Variants in POLR3GL observed in about 807,000 individuals in gnomAD.
POLR3GL encodes DNA-directed RNA polymerase III subunit RPC7-like.
In POLR3GL, 26 loss-of-function variants were observed where a neutral mutation model predicts 32.4. The ratio of observed to expected loss-of-function variants is 0.80; its 90% CI spans 0.59 to 1.11. The LOEUF (loss-of-function observed/expected upper bound fraction) is 1.11, where lower values mean the gene tolerates loss of function less well. POLR3GL is among the 50% of genes most tolerant of loss of function. The probability of loss-of-function intolerance (pLI) is 0.00; values close to 1 mark genes in which losing one functional copy is unlikely to be tolerated. For missense variants in POLR3GL, 229 were observed against 280.1 expected (o/e 0.82, Z 1.30); for synonymous variants, 95 against 98.7 (o/e 0.96, Z 0.22).
At position 145,977,202 on chromosome 1, in the gene POLR3GL, T is replaced by C. The variant is rs587643977; in HGVS notation, c.325+50T>C. 13 of 1,477,928 alleles carry C rather than the reference T, an allele frequency of 8.8e-6. No individual in the cohort carries two copies. In the East Asian group the frequency reaches 1.6e-4, roughly 18 times the overall value. The allele number at this position is 1,477,928 out of a possible 1,614,324, so 91.6% of individuals were successfully genotyped here. A position where few individuals can be genotyped will look rare whatever the true frequency, so the allele number is the denominator to read the frequency against. On this transcript the variant is annotated intron_variant, in intron 4 of 7. Transcript: ENST00000369314. ...CTGCCCTTCTTTCAAATGCATGGGATGCTTCAAGCTATTCCCACCACGCCC... is the reference window on the plus strand; with the variant it reads ...CTGCCCTTCTTTCAAATGCATGGGACGCTTCAAGCTATTCCCACCACGCCC...
chr1:145,977,838 T>C lies in POLR3GL; in HGVS notation c.443T>C (p.Ile148Thr). 1 of 1,613,888 alleles carries C rather than the reference T, an allele frequency of 6.2e-7. No homozygotes were observed. Among genetic ancestry groups the C allele is most frequent in the Middle Eastern group, 1.7e-4 (1 of 6,060 alleles). Residue 148 changes from isoleucine to threonine, a missense_variant, in exon 6 of 8, where the codon ATA (isoleucine) becomes ACA (threonine). Physicochemically the swap from Ile to Thr is moderately conservative, Grantham distance 89. Transcript: ENST00000369314. Reference protein sequence around the residue: ...PKTTEDKEETIQKLETLEKKE... With the variant: ...PKTTEDKEETTQKLETLEKKE... ...ACCACAGAAGATAAGGAGGAAACAATACAGAAACTAGAGGTGAGGAGGAAG... is the reference window on the plus strand; with the variant it reads ...ACCACAGAAGATAAGGAGGAAACAACACAGAAACTAGAGGTGAGGAGGAAG...
rs1329806922 is a variant in POLR3GL at position 145,978,709 on chromosome 1, C to A, written c.*262C>A. The A allele has an allele frequency of 2.1e-6, 1 of 470,816 alleles. No individual in the cohort carries two copies. The highest frequency in any genetic ancestry group is 2.0e-5 in the African/African-American group (1 of 49,878). 29.2% of individuals were successfully genotyped at this position (470,816 alleles called of 1,614,324 possible). On this transcript the variant is annotated 3_prime_UTR_variant, in exon 8 of 8. Transcript: ENST00000369314. ...GGAGAAAGGAGAATTGAAAGAAGAA[C>A]TGGGGTTGTTAGAGCTGAGATGACT...
At chr1:145,969,488 C>T (rs1459834230) in intron 1 of POLR3GL, among the ~76,000 whole-genome samples, 2 of 151,484 alleles carry the variant, frequency 1.3e-5, no homozygotes, top group South Asian at 2.1e-4. Context: ...GTTCTCGATC[C>T]CTTGACCTTG....
intron 1 of POLR3GL, among the ~76,000 whole-genome samples, chr1:145,971,623 GT>G (rs1465547668): frequency 1.3e-5 from 2 of 152,102 alleles, no homozygotes; most frequent in African/African-American, 4.8e-5. Flanking sequence ...GGTTGAAGTA[GT>G]GTTTTTCTGG....
At chr1:145,974,378 T>C (rs1553763088) in intron 1 of POLR3GL, among the ~76,000 whole-genome samples, 3 of 151,454 alleles carry the variant, frequency 2.0e-5, no homozygotes, top group Admixed American at 2.0e-4. Context: ...TGGCTGGGCA[T>C]AGTGGTTCAT....
At chr1:145,977,945 T>A in intron 6 of POLR3GL, 38 bp from the exon 7 acceptor site, 2 of 1,613,940 alleles carry the variant, frequency 1.2e-6, no homozygotes, top group Non-Finnish European at 1.7e-6. Context: ...TTCTGTGAAC[T>A]GAACCTGAGT....
At position 145,974,947 on chromosome 1, in the gene POLR3GL, G is replaced by C; in HGVS notation, c.82G>C (p.Asp28His). Residue 28 changes from aspartate to histidine, a missense_variant, in exon 2 of 8, where the codon GAT (aspartate) becomes CAT (histidine). Asp to His is a moderately conservative substitution (Grantham distance 81). Transcript: ENST00000369314. ...GGAGGCCGTGGGCATTGGGAAAGGG[G>C]ATGCTTTGCCCCCACCCACCCTGCA... The part of the protein sequence containing the change: ...NVEAVGIGKG[D>H]ALPPPTLQPS... The C allele has an allele frequency of 6.6e-7, 1 of 1,519,562 alleles. No individual in the cohort carries two copies. The highest frequency in any genetic ancestry group is 1.7e-4 in the Middle Eastern group (1 of 5,726). 94.1% of individuals were successfully genotyped at this position (1,519,562 alleles called of 1,614,324 possible). A position where few individuals can be genotyped will look rare whatever the true frequency, so the allele number is the denominator to read the frequency against.
chr1:145,978,064 G>A lies in POLR3GL; in HGVS notation c.538G>A (p.Glu180Lys), dbSNP rs1553763807. 2 of 1,605,690 alleles carry A rather than the reference G, an allele frequency of 1.2e-6. No homozygotes were observed. The highest frequency in any genetic ancestry group is 2.2e-5 in the East Asian group (1 of 44,824). ...AGAAGAAGAGAAGGAAGAGGAGGAA[G>A]AAGAAGAGTATGATGAAGAAGAACA... ...EEEEEKEEEE[E>K]EEYDEEEHEE... is the part of the protein sequence containing the mutation. Residue 180 changes from glutamate (E) to lysine (K), a missense_variant, in exon 7 of 8, where the codon GAA becomes AAA. Coordinates refer to ENST00000369314, the MANE Select transcript of POLR3GL (RefSeq NM_032305.3).
At chr1:145,970,451 T>G (rs1395523698) in intron 1 of POLR3GL, among the ~76,000 whole-genome samples, 2 of 151,260 alleles carry the variant, frequency 1.3e-5, no homozygotes, top group East Asian at 1.9e-4. Flanking sequence ...CAGCCTCGAG[T>G]TTTTTTTGTT....
At position 145,978,227 on chromosome 1, in the gene POLR3GL, GC is replaced by G; in HGVS notation, c.571-128del. 5.9e-6 allele frequency: 8 copies of G among 1,355,756 alleles called. No individual in the cohort carries two copies. The South Asian group carries it at 6.7e-5, about 11-fold the overall frequency. 84.0% of individuals were successfully genotyped at this position (1,355,756 alleles called of 1,614,324 possible). A position where few individuals can be genotyped will look rare whatever the true frequency, so the allele number is the denominator to read the frequency against. On this transcript the variant is annotated intron_variant, in intron 7 of 7. Transcript: ENST00000369314. ...GTAGGGGCTTCTCTCTACTTCATCT[GC>G]CCCCCTTCTACAAACTACAGCTGGA...
At chr1:145,976,277 C>A (rs1457469606) in intron 3 of POLR3GL, among the ~76,000 whole-genome samples, 8 of 148,270 alleles carry the variant, frequency 5.4e-5, no homozygotes, top group African/African-American at 1.2e-4. Flanking sequence ...ACACAGCAAA[C>A]CTCTGTCTCA....
At chr1:145,973,153 T>C (rs57959151) in intron 1 of POLR3GL, among the ~76,000 whole-genome samples, 5,234 of 152,226 alleles carry the variant, frequency 0.034, 340 homozygotes, top group African/African-American at 0.12. Context: ...GAAAATTGTA[T>C]GAGAAACCAA....
At chr1:145,971,791 C>T (rs1426762859) in intron 1 of POLR3GL, among the ~76,000 whole-genome samples, 1 of 150,490 alleles carries the variant, frequency 6.6e-6, no homozygotes, top group Non-Finnish European at 1.5e-5. Context: ...ATGGTGAAAC[C>T]CCGTCTCTAC....
At position 145,978,485 on chromosome 1, in the gene POLR3GL, C is replaced by A; in HGVS notation, c.*38C>A. 1 of 1,232,780 alleles carries A rather than the reference C, an allele frequency of 8.1e-7. No homozygotes were observed. The highest frequency in any genetic ancestry group is 1.2e-6 in the Non-Finnish European group (1 of 838,320). 76.4% of individuals were successfully genotyped at this position (1,232,780 alleles called of 1,614,324 possible). On this transcript the variant is annotated 3_prime_UTR_variant, in exon 8 of 8. Coordinates refer to ENST00000369314, the MANE Select transcript of POLR3GL (RefSeq NM_032305.3). ...GACCCTCGTGTCTTTCTTTAGGATA[C>A]AGAGAGTAACTGTACCTATTATTTG...
chr1:145,977,054 G>A, intron 3 of POLR3GL, 30 bp from the exon 4 acceptor site: 1 of 1,582,096 alleles, frequency 6.3e-7, no homozygotes, highest in Non-Finnish European at 8.7e-7. Context: ...GTCTCTGAAG[G>A]GATAAAACTT....
chr1:145,975,539 A>C, intron 3 of POLR3GL, 103 bp downstream of exon 3: 1 of 1,324,776 alleles, frequency 7.5e-7, no homozygotes, highest in Non-Finnish European at 1.1e-6. Flanking sequence ...ATACTATCTA[A>C]CTGGGGAGAT....
intron 1 of POLR3GL, among the ~76,000 whole-genome samples, chr1:145,972,964 G>A (rs1650394519): frequency 2.6e-5 from 4 of 152,222 alleles, no homozygotes; most frequent in African/African-American, 9.6e-5. Flanking sequence ...CTCTCAAAGT[G>A]CTGGGATTAT....
At position 145,977,164 on chromosome 1, in the gene POLR3GL, G is replaced by A; in HGVS notation, c.325+12G>A. On this transcript the variant is annotated intron_variant, in intron 4 of 7. Transcript: ENST00000369314. ...CGATTGGAACCCTGGTAGGTGATGG[G>A]CCCTTTCATTGACTGCCCTTCTTTC... is the stretch of plus-strand genomic sequence containing the variant. 6.2e-7 allele frequency: 1 copy of A among 1,608,662 alleles called. No individual in the cohort carries two copies. Among genetic ancestry groups the A allele is most frequent in the Non-Finnish European group, 8.5e-7 (1 of 1,175,070 alleles).
At position 145,977,069 on chromosome 1, in the gene POLR3GL, C is replaced by T. The variant is rs1421910577; in HGVS notation, c.257-15C>T. 1.2e-6 allele frequency: 2 copies of T among 1,611,772 alleles called. No individual in the cohort carries two copies. Among genetic ancestry groups the T allele is most frequent in the Non-Finnish European group, 1.7e-6 (2 of 1,177,996 alleles). ...GTCTCTGAAGGGATAAAACTTTGAC[C>T]CTTCCACCCCTCAGATGTGGAGCGT... On this transcript the variant is annotated splice_polypyrimidine_tract_variant and intron_variant, in intron 3 of 7. Coordinates refer to ENST00000369314, the MANE Select transcript of POLR3GL (RefSeq NM_032305.3).
Sources: allele counts gnomAD v4.1 joint callset (sites outside exome capture counted in the v4.1 genomes callset), GRCh38; gene constraint gnomAD v4.1.1; transcripts MANE v1.5; gene names NCBI Gene and HGNC (gene_info 2026-07-23, HGNC 2026-07-21).